EHD3: variants seen among roughly 807,000 people sequenced by gnomAD.
The protein encoded by EHD3 is EH domain-containing protein 3.
A neutral mutation model predicts 43.0 loss-of-function variants in EHD3; 17 were observed. That is an observed-to-expected ratio of 0.40 (90% CI 0.27 to 0.59). The LOEUF is 0.59. EHD3 is among the 20% of genes least tolerant of loss of function. The pLI is 0.49. For synonymous variants in EHD3, 313 were observed against 289.5 expected (o/e 1.08, Z -0.82); for missense variants, 594 against 705.6 (o/e 0.84, Z 1.79).
chr2:31,252,826 T>G (rs1160088866), intron 3 of EHD3, among the ~76,000 whole-genome samples: 1 of 151,964 alleles, frequency 6.6e-6, no homozygotes, highest in Non-Finnish European at 1.5e-5. Flanking sequence ...GCCCCAGGAG[T>G]GGCTTTGCAG....
chr2:31,245,545 ATATATATATTTT>A lies in EHD3; in HGVS notation c.404+1097_404+1108del, dbSNP rs1217718149. Among the ~76,000 whole-genome samples the A allele has an allele frequency of 6.5e-3, 391 of 59,806 alleles. 2 individuals carry two copies. The highest frequency in any genetic ancestry group is 0.019 in the Admixed American group (85 of 4,386). 39.2% of individuals were successfully genotyped at this position (59,806 alleles called of 152,430 possible). A position where few individuals can be genotyped will look rare whatever the true frequency, so the allele number is the denominator to read the frequency against. ...TTATCCCAAATATATATATATATAT[ATATATATATTTT>A]TTTTTTTTTTTTTTTTTTGATGAGA... On this transcript the variant is annotated intron_variant, in intron 2 of 5. Transcript: ENST00000322054.
intron 2 of EHD3, among the ~76,000 whole-genome samples, chr2:31,245,865 G>T (rs1683514100): frequency 6.6e-6 from 1 of 150,788 alleles, no homozygotes; most frequent in Non-Finnish European, 1.5e-5. Flanking sequence ...ACAGGCGTGA[G>T]CCACCGTGCC....
In EHD3 at chr2:31,266,793, C is replaced by CAG; in HGVS notation, c.*90_*91insGA. ...ACACACACACACACACACACACACA[C>CAG]AAACATGCACACACACATATGCATA... On this transcript the variant is annotated 3_prime_UTR_variant, in exon 6 of 6. Transcript: ENST00000322054. This position sits in a 1 kb window ranked among gnomAD's most constrained non-coding sequence, Gnocchi z 5.1. 8.0e-7 allele frequency: 1 copy of CAG among 1,245,908 alleles called. No homozygotes were observed. Among genetic ancestry groups the CAG allele is most frequent in the South Asian group, 1.5e-5 (1 of 68,920 alleles). 77.2% of individuals were successfully genotyped at this position (1,245,908 alleles called of 1,614,324 possible).
intron 2 of EHD3, among the ~76,000 whole-genome samples, chr2:31,247,028 C>T (rs1346177467): frequency 6.6e-6 from 1 of 152,038 alleles, no homozygotes; most frequent in Non-Finnish European, 1.5e-5. Flanking sequence ...TCCTGAATAG[C>T]TGGGGTTACA....
intron 5 of EHD3, among the ~76,000 whole-genome samples, chr2:31,263,357 A>C (rs1683888819): frequency 6.6e-6 from 1 of 152,232 alleles, no homozygotes; most frequent in African/African-American, 2.4e-5. Flanking sequence ...TTTCAAAACA[A>C]AGATTCTCAC....
chr2:31,241,675 G>A (rs868685207), intron 1 of EHD3, among the ~76,000 whole-genome samples: 2 of 152,134 alleles, frequency 1.3e-5, no homozygotes, highest in East Asian at 1.9e-4. Context: ...ACGATTACCC[G>A]CCATGTTATG....
rs61749077 is a variant in EHD3 at position 31,249,422 on chromosome 2, C to T, written c.456C>T (p.Ile152=). The change falls in exon 3 of 6, where the codon ATC becomes ATT. Residue 152 remains isoleucine (I), a synonymous_variant. Coordinates refer to ENST00000322054, the MANE Select transcript of EHD3 (RefSeq NM_014600.3). ...PNPVLESISV[I]DTPGILSGEK... ...CTGTGCTGGAGAGCATCAGCGTCAT[C>T]GACACACCAGGGATCCTCTCTGGGG... The T allele has an allele frequency of 1.5e-5, 25 of 1,614,138 alleles. No individual in the cohort carries two copies. The highest frequency in any genetic ancestry group is 8.0e-5 in the African/African-American group (6 of 75,038).
chr2:31,249,087 A>T (rs552954004), intron 2 of EHD3, among the ~76,000 whole-genome samples: 10 of 152,330 alleles, frequency 6.6e-5, no homozygotes, highest in Admixed American at 5.2e-4. Flanking sequence ...TGAAGACCCA[A>T]TGTCGCTATG....
chr2:31,255,105 A>G (rs1558650536), intron 3 of EHD3, among the ~76,000 whole-genome samples: 1 of 152,216 alleles, frequency 6.6e-6, no homozygotes, highest in Non-Finnish European at 1.5e-5. Context: ...GGAGGGGACC[A>G]TAGATCCCTG....
At chr2:31,263,264 G>A (rs1405604314) in intron 5 of EHD3, among the ~76,000 whole-genome samples, 1 of 152,202 alleles carries the variant, frequency 6.6e-6, no homozygotes, top group African/African-American at 2.4e-5. Context: ...CTTTTGTTAA[G>A]AATTTAATGA....
chr2:31,266,099 C>T lies in EHD3; in HGVS notation c.1081-78C>T, dbSNP rs619002. 1,220,571 of 1,507,534 alleles carry T rather than the reference C, an allele frequency of 0.81. 496,322 individuals carry two copies. The highest frequency in any genetic ancestry group is 0.96 in the African/African-American group (69,049 of 72,280). The allele number at this position is 1,507,534 out of a possible 1,614,324, so 93.4% of individuals were successfully genotyped here. A position where few individuals can be genotyped will look rare whatever the true frequency, so the allele number is the denominator to read the frequency against. ...GGGATCAGCTGTGAACATTCTGGTGCTCATAGGAGGCACGTGATAAATGGA... is the reference window on the plus strand; with the variant it reads ...GGGATCAGCTGTGAACATTCTGGTGTTCATAGGAGGCACGTGATAAATGGA... On this transcript the variant is annotated intron_variant, in intron 5 of 5. Coordinates refer to ENST00000322054, the MANE Select transcript of EHD3 (RefSeq NM_014600.3). The surrounding 1 kb of genome is among the most constrained non-coding windows in gnomAD (Gnocchi z 5.1).
At position 31,260,685 on chromosome 2, in the gene EHD3, G is replaced by A. The variant is rs200795713; in HGVS notation, c.678G>A (p.Thr226=). Reference sequence around the variant, plus strand: ...TGAACAAAGCTGACCAGATCGAGACGCAGCAGCTGATGCGGGTGTACGGGG... The same window carrying A: ...TGAACAAAGCTGACCAGATCGAGACACAGCAGCTGATGCGGGTGTACGGGG... ...VVLNKADQIE[T]QQLMRVYGAL... The change falls in exon 4 of 6, where the codon ACG becomes ACA. Residue 226 remains threonine, a synonymous_variant. Transcript: ENST00000322054. This position sits in a 1 kb window ranked among gnomAD's most constrained non-coding sequence, Gnocchi z 4.6. 8.4e-5 allele frequency: 135 copies of A among 1,614,242 alleles called. 1 individual carries two copies. The South Asian group carries it at 1.3e-3, about 16-fold the overall frequency.
intron 1 of EHD3, among the ~76,000 whole-genome samples, chr2:31,240,339 C>T (rs1173602608): frequency 6.6e-6 from 1 of 152,228 alleles, no homozygotes; most frequent in African/African-American, 2.4e-5. Flanking sequence ...TTTCTCCTGG[C>T]AACAGAGGCA....
At chr2:31,248,211 C>A (rs1172463292) in intron 2 of EHD3, among the ~76,000 whole-genome samples, 1 of 152,228 alleles carries the variant, frequency 6.6e-6, no homozygotes, top group Admixed American at 6.5e-5. Context: ...GTCTGCTCCC[C>A]TTCCCTCGCT....
chr2:31,248,542 C>T (rs1683571823), intron 2 of EHD3, among the ~76,000 whole-genome samples: 1 of 152,172 alleles, frequency 6.6e-6, no homozygotes, highest in Admixed American at 6.5e-5. Context: ...TCCCCAACAG[C>T]AGGAGTTGGC....
chr2:31,242,995 G>C (rs974543449), intron 1 of EHD3, among the ~76,000 whole-genome samples: 6 of 151,500 alleles, frequency 4.0e-5, no homozygotes, highest in Non-Finnish European at 7.4e-5. Flanking sequence ...AATAAAATCA[G>C]GTCAGGCACA....
chr2:31,255,400 T>G (rs1262387136), intron 3 of EHD3, among the ~76,000 whole-genome samples: 1 of 152,190 alleles, frequency 6.6e-6, no homozygotes, highest in Non-Finnish European at 1.5e-5. Context: ...CTGTCAGATC[T>G]TGTTGCCACA....
intron 5 of EHD3, among the ~76,000 whole-genome samples, chr2:31,264,639 TTC>T (rs34979777): frequency 0.11 from 15,934 of 149,458 alleles, 919 homozygotes; most frequent in Middle Eastern, 0.12. Context: ...GTTCAAGCGA[TTC>T]TCCTCAGCCT....
At chr2:31,245,834 G>T (rs896911105) in intron 2 of EHD3, among the ~76,000 whole-genome samples, 1 of 145,600 alleles carries the variant, frequency 6.9e-6, no homozygotes, top group Non-Finnish European at 1.5e-5. Context: ...ACCTGCCTCA[G>T]CCTCCCAAAG....
Sources: allele counts gnomAD v4.1 joint callset (sites outside exome capture counted in the v4.1 genomes callset), GRCh38; gene constraint gnomAD v4.1.1; non-coding constraint Gnocchi (gnomAD v3.1); transcripts MANE v1.5; gene names NCBI Gene and HGNC (gene_info 2026-07-23, HGNC 2026-07-21).